SNX8: variants seen among roughly 807,000 people sequenced by gnomAD.
SNX8 encodes the protein sorting nexin-8.
Under a neutral mutation model 51.6 loss-of-function variants are expected in SNX8, and 25 were observed. The observed-to-expected ratio is 0.48, with a 90% confidence interval of 0.35 to 0.68. The LOEUF (loss-of-function observed/expected upper bound fraction) is 0.68. SNX8 is among the 30% of genes least tolerant of loss of function. The pLI is 0.00. For synonymous variants in SNX8, 324 were observed against 277.0 expected, an observed-to-expected ratio of 1.17 and a Z score of -1.68; for missense variants, 695 against 624.0, an observed-to-expected ratio of 1.11 and a Z score of -1.21.
intron 1 of SNX8, among the ~76,000 whole-genome samples, chr7:2,311,419 C>T (rs1357619498): frequency 6.6e-6 from 1 of 152,146 alleles, no homozygotes; most frequent in Non-Finnish European, 1.5e-5. Flanking sequence ...GACAGGATTT[C>T]GCTACGTTGT....
In SNX8 at chr7:2,257,508, A is replaced by C; in HGVS notation, c.991T>G (p.Cys331Gly). ...LDLLQSYKDL[C>G]ERHEKGVLHK... ...AACACGCCCTTCTCATGCCGCTCGC[A>C]CAGGTCCTGCGGGGCCGGGGGAGGC... The change falls in exon 9 of 11, where the codon TGC (cysteine) becomes GGC (glycine). Residue 331 changes from cysteine to glycine, a missense_variant. Physicochemically the swap from Cys to Gly is radical, Grantham distance 159. Transcript: ENST00000222990. 1 of 1,603,396 alleles carries C rather than the reference A, an allele frequency of 6.2e-7. No homozygotes were observed.
At chr7:2,267,680 C>T (rs1407035708) in intron 5 of SNX8, among the ~76,000 whole-genome samples, 6 of 149,352 alleles carry the variant, frequency 4.0e-5, no homozygotes, top group Admixed American at 3.4e-4. Flanking sequence ...ACCTCCCAGC[C>T]GCCTGCCTTG....
At chr7:2,347,515 C>T (rs1779055435) in intron 1 of SNX8, among the ~76,000 whole-genome samples, 2 of 148,154 alleles carry the variant, frequency 1.3e-5, no homozygotes, top group South Asian at 2.1e-4. Context: ...AAAAAAGAGC[C>T]TTTGGCTGAA....
rs1027932933 is a variant in SNX8 at position 2,276,579 on chromosome 7, G to T, written c.301-1350C>A. 4.0e-5 allele frequency among the ~76,000 whole-genome samples: 6 copies of T among 151,660 alleles called. No individual in the cohort carries two copies. In the South Asian group the frequency reaches 1.0e-3, roughly 26 times the overall value. On this transcript the variant is annotated intron_variant, in intron 2 of 10. Transcript: ENST00000222990. Reference sequence around the variant, plus strand: ...GCACTTTGGCGGGCCAAAGTGAGAGGACTGCTTGAGCCCAGGAGTTCGAGA... The same window carrying T: ...GCACTTTGGCGGGCCAAAGTGAGAGTACTGCTTGAGCCCAGGAGTTCGAGA...
At chr7:2,325,840 T>A (rs28815321) in intron 1 of SNX8, among the ~76,000 whole-genome samples, 23 of 151,770 alleles carry the variant, frequency 1.5e-4, no homozygotes, top group Admixed American at 3.3e-4. Flanking sequence ...TCAAAAAAAA[T>A]TTTTTTAAAT....
In SNX8 at chr7:2,257,524, CG is replaced by C; in HGVS notation, c.985-11del. The C allele has an allele frequency of 1.9e-6, 3 of 1,600,502 alleles. No homozygotes were observed. Among genetic ancestry groups the C allele is most frequent in the Non-Finnish European group, 8.5e-7 (1 of 1,177,564 alleles). On this transcript the variant is annotated splice_polypyrimidine_tract_variant and intron_variant, in intron 8 of 10. Transcript: ENST00000222990. The stretch of plus-strand genomic sequence containing the variant: ...GCCGCTCGCACAGGTCCTGCGGGGC[CG>C]GGGGAGGCATTCGCCCGCTGTCTGG...
intron 1 of SNX8, among the ~76,000 whole-genome samples, chr7:2,332,418 T>A (rs1358804269): frequency 2.0e-5 from 3 of 152,198 alleles, no homozygotes; most frequent in African/African-American, 7.2e-5. Context: ...ATAAATTTCA[T>A]AAAATTGATA....
intron 1 of SNX8, among the ~76,000 whole-genome samples, chr7:2,335,802 CAAAAAAAA>C (rs1173439746): frequency 6.5e-5 from 2 of 30,646 alleles, no homozygotes; most frequent in African/African-American, 2.3e-4. Flanking sequence ...GACTCTGTCT[CAAAAAAAA>C]AAAAAAAAAA....
chr7:2,268,103 C>G (rs1372650565), intron 5 of SNX8, among the ~76,000 whole-genome samples: 1 of 145,564 alleles, frequency 6.9e-6, no homozygotes. Context: ...CCGCCCCGTC[C>G]GGGAGGGAGG....
chr7:2,344,524 A>T (rs1055035492), intron 1 of SNX8, among the ~76,000 whole-genome samples: 1 of 151,338 alleles, frequency 6.6e-6, no homozygotes, highest in Non-Finnish European at 1.5e-5. Context: ...AGGCAGGAGA[A>T]TCTTGTGAAC....
chr7:2,303,302 C>T (rs1379386780), intron 1 of SNX8, among the ~76,000 whole-genome samples: 4 of 149,254 alleles, frequency 2.7e-5, no homozygotes, highest in East Asian at 2.0e-4. Flanking sequence ...GCCCCCCGCC[C>T]GGCCAGCCGC....
intron 1 of SNX8, among the ~76,000 whole-genome samples, chr7:2,323,812 T>G (rs1396611957): frequency 6.6e-6 from 1 of 152,164 alleles, no homozygotes; most frequent in Non-Finnish European, 1.5e-5. Flanking sequence ...CTTGGTTTTT[T>G]GTTTTTGTTT....
At chr7:2,258,071 C>T in intron 7 of SNX8, among the ~76,000 whole-genome samples, 1 of 146,444 alleles carries the variant, frequency 6.8e-6, no homozygotes, top group Non-Finnish European at 1.5e-5. Flanking sequence ...AATGCAGTGG[C>T]ACGATCTCGG....
At chr7:2,340,821 C>T (rs539315634) in intron 1 of SNX8, among the ~76,000 whole-genome samples, 1 of 132,526 alleles carries the variant, frequency 7.5e-6, no homozygotes, top group African/African-American at 2.8e-5. Flanking sequence ...TGCGCCACTG[C>T]ACTCCAGCCT....
At chr7:2,322,206 G>A (rs1395122514) in intron 1 of SNX8, among the ~76,000 whole-genome samples, 3 of 152,134 alleles carry the variant, frequency 2.0e-5, no homozygotes, top group South Asian at 2.1e-4. Context: ...ACAGGAGGAC[G>A]TGCAGAAAGG....
intron 1 of SNX8, among the ~76,000 whole-genome samples, chr7:2,340,341 G>T (rs1465921049): frequency 6.6e-6 from 1 of 151,658 alleles, no homozygotes; most frequent in Non-Finnish European, 1.5e-5. Context: ...CAAAGTGCTG[G>T]GATTACAGGC....
intron 1 of SNX8, among the ~76,000 whole-genome samples, chr7:2,332,585 C>T (rs1778755250): frequency 6.6e-6 from 1 of 151,962 alleles, no homozygotes; most frequent in South Asian, 2.1e-4. Context: ...GAGACCCCAT[C>T]TCTACCAAAA....
chr7:2,263,153 C>G, intron 7 of SNX8, 77 bp downstream of exon 7: 3 of 1,518,138 alleles, frequency 2.0e-6, no homozygotes, highest in Non-Finnish European at 2.7e-6. Context: ...TGACGCCCAT[C>G]TAAGCAGGAG....
chr7:2,295,511 C>A (rs1251459421), intron 1 of SNX8, among the ~76,000 whole-genome samples: 1 of 150,498 alleles, frequency 6.6e-6, no homozygotes, highest in African/African-American at 2.5e-5. Flanking sequence ...GCAAGACTAG[C>A]CTGGCCAACA....
Sources: allele counts gnomAD v4.1 joint callset (sites outside exome capture counted in the v4.1 genomes callset), GRCh38; gene constraint gnomAD v4.1.1; transcripts MANE v1.5; gene names NCBI Gene and HGNC (gene_info 2026-07-23, HGNC 2026-07-21).